SEC16B: variants seen among roughly 807,000 people sequenced by gnomAD.
The protein encoded by SEC16B is SEC16 homolog B, endoplasmic reticulum export factor.
A neutral mutation model predicts 141.8 loss-of-function variants in SEC16B; 115 were observed. The observed-to-expected ratio is 0.81, with a 90% CI of 0.70 to 0.95. The LOEUF is 0.95. Ranked by LOEUF, SEC16B falls within the 40% of genes least tolerant of loss-of-function variation. The probability of loss-of-function intolerance (pLI) is 0.00; values close to 1 mark genes in which losing one functional copy is unlikely to be tolerated. For synonymous variants in SEC16B, 493 were observed against 492.5 expected (o/e 1.00, Z -0.01); for missense variants, 1,291 against 1,312.3 (o/e 0.98, Z 0.25).
intron 1 of SEC16B, among the ~76,000 whole-genome samples, chr1:177,978,223 A>T (rs1317946756): frequency 6.6e-6 from 1 of 152,228 alleles, no homozygotes; most frequent in Non-Finnish European, 1.5e-5. Flanking sequence ...ATGAGTGTAT[A>T]ATAATGAATA....
intron 1 of SEC16B, among the ~76,000 whole-genome samples, chr1:177,976,020 G>A (rs1427735692): frequency 6.6e-6 from 1 of 152,200 alleles, no homozygotes; most frequent in Non-Finnish European, 1.5e-5. Context: ...TAAGCTACCA[G>A]TGCCAGTCCT....
At chr1:177,932,368 T>C in intron 24 of SEC16B, 122 bp downstream of exon 24, 3 of 692,630 alleles carry the variant, frequency 4.3e-6, no homozygotes, top group Non-Finnish European at 6.8e-6. Context: ...CTGAGCAAAC[T>C]AACACAGCAG....
At chr1:177,962,510 G>A (rs1460730116) in intron 5 of SEC16B, among the ~76,000 whole-genome samples, 3 of 151,620 alleles carry the variant, frequency 2.0e-5, no homozygotes, top group African/African-American at 7.3e-5. Context: ...GCCAAAGCAG[G>A]AGGATCACTT....
In SEC16B at chr1:177,933,502, A is replaced by G; in HGVS notation, c.2706T>C (p.Asp902=). 8 of 1,613,448 alleles carry G rather than the reference A, an allele frequency of 5.0e-6. No homozygotes were observed. The highest frequency in any genetic ancestry group is 6.8e-6 in the Non-Finnish European group (8 of 1,179,694). The change falls in exon 21 of 26, where the codon GAT becomes GAC. Residue 902 remains aspartate, a synonymous_variant. Transcript: ENST00000308284. ...RNTAQRGKLG[D]GKEHTKSSGF... ...CCTCCACCTTTGTATGCTCCTTCCC[A>G]TCTCCGAGCTTGCCTCTCTGGGCAG...
At chr1:177,954,506 G>A in intron 10 of SEC16B, 130 bp from the exon 11 acceptor site, 7 of 665,520 alleles carry the variant, frequency 1.1e-5, no homozygotes, top group African/African-American at 1.8e-5. Flanking sequence ...CCTCATATAA[G>A]AATGTGAACA....
At chr1:177,966,305 A>G (rs1223251594) in intron 2 of SEC16B, among the ~76,000 whole-genome samples, 1 of 152,166 alleles carries the variant, frequency 6.6e-6, no homozygotes, top group Non-Finnish European at 1.5e-5. Context: ...CTCACTCCCC[A>G]AACACATACA....
intron 1 of SEC16B, among the ~76,000 whole-genome samples, chr1:177,980,496 C>G (rs896545318): frequency 6.6e-6 from 1 of 152,044 alleles, no homozygotes; most frequent in African/African-American, 2.4e-5. Context: ...AACCAAGAAA[C>G]AGGTGGGAAC....
Position 177,964,151 on chromosome 1 carries a change from C to A in SEC16B, c.642+20G>T. ...CGACACATGGCCACAGTCTCCAGCCCCCACGTCACTTTAGGTTACCTTATT... is the reference window on the plus strand; with the variant it reads ...CGACACATGGCCACAGTCTCCAGCCACCACGTCACTTTAGGTTACCTTATT... On this transcript the variant is annotated intron_variant, in intron 5 of 25. Coordinates refer to ENST00000308284, the MANE Select transcript of SEC16B (RefSeq NM_033127.4). 6.4e-7 allele frequency: 1 copy of A among 1,573,716 alleles called. No individual in the cohort carries two copies. The highest frequency in any genetic ancestry group is 8.7e-7 in the Non-Finnish European group (1 of 1,149,630).
chr1:177,946,679 C>A (rs77788256), intron 13 of SEC16B, 148 bp from the exon 14 acceptor site: 6 of 622,990 alleles, frequency 9.6e-6, no homozygotes, highest in South Asian at 1.9e-5. Context: ...CCTTTCATAG[C>A]GTGAGTCACA....
At chr1:177,960,495 G>A in intron 7 of SEC16B, 92 bp from the exon 8 acceptor site, 1 of 907,984 alleles carries the variant, frequency 1.1e-6, no homozygotes. Context: ...AGGCCGTGGG[G>A]CTAGGATATG....
intron 11 of SEC16B, 47 bp downstream of exon 11, chr1:177,954,229 TGAG>T (rs1157092989): frequency 6.6e-6 from 9 of 1,362,060 alleles, no homozygotes; most frequent in Non-Finnish European, 9.2e-6. Flanking sequence ...CCACCTTTGG[TGAG>T]GAGGCCTCTC....
At chr1:177,953,492 C>CATTATTTGTCCCTGCCAAA (rs1235053615) in intron 11 of SEC16B, among the ~76,000 whole-genome samples, 1 of 152,186 alleles carries the variant, frequency 6.6e-6, no homozygotes, top group Non-Finnish European at 1.5e-5. Flanking sequence ...ACCCCCACCA[C>CATTATTTGTCCCTGCCAAA]ATTTGTCCCT....
At chr1:177,933,731 G>T (rs752787069) in intron 20 of SEC16B, 95 bp from the exon 21 acceptor site, 16 of 1,248,702 alleles carry the variant, frequency 1.3e-5, no homozygotes, top group Admixed American at 5.6e-5. Context: ...TCAGAAGGCA[G>T]TGGGACTGTT....
upstream of SEC16B, among the ~76,000 whole-genome samples, chr1:177,974,368 T>C (rs142038179): frequency 3.5e-4 from 54 of 152,200 alleles, 1 homozygote; most frequent in East Asian, 9.5e-3. Flanking sequence ...GAAGGAGCTC[T>C]GAGGTGGACA....
intron 20 of SEC16B, 108 bp from the exon 21 acceptor site, chr1:177,933,744 C>A: frequency 1.8e-6 from 2 of 1,109,450 alleles, no homozygotes; most frequent in African/African-American, 1.5e-5. Flanking sequence ...GGACTGTTGT[C>A]TCAGGATCAT....
At chr1:177,936,483 A>T (rs1650853323) in intron 19 of SEC16B, 118 bp from the exon 20 acceptor site, 1 of 863,348 alleles carries the variant, frequency 1.2e-6, no homozygotes, top group African/African-American at 1.7e-5. Flanking sequence ...CTCGGAGCCC[A>T]TAAGCCCAAG....
chr1:177,960,257 G>C (rs536069263), intron 8 of SEC16B, 85 bp downstream of exon 8: 2 of 904,148 alleles, frequency 2.2e-6, no homozygotes, highest in South Asian at 2.9e-5. Context: ...AGGAAACCAA[G>C]AACAAATCTC....
chr1:177,962,462 T>C (rs1030129790), intron 5 of SEC16B, among the ~76,000 whole-genome samples: 5 of 151,724 alleles, frequency 3.3e-5, no homozygotes, highest in Non-Finnish European at 5.9e-5. Context: ...TGGGGCCAGG[T>C]ATGATGGCTC....
chr1:177,956,654 T>A (rs1652624596), intron 10 of SEC16B, among the ~76,000 whole-genome samples: 1 of 152,212 alleles, frequency 6.6e-6, no homozygotes, highest in Non-Finnish European at 1.5e-5. Flanking sequence ...ACTTCAAAAT[T>A]AAGCTAGAAA....
Sources: gnomAD v4.1 joint callset for allele counts (sites outside exome capture counted in the v4.1 genomes callset) on GRCh38, gnomAD v4.1.1 for gene constraint, MANE v1.5 for transcripts, NCBI Gene and HGNC (gene_info 2026-07-23, HGNC 2026-07-21) for gene names.